ANO2: variants seen among roughly 807,000 people sequenced by gnomAD.
ANO2 encodes anoctamin 2.
Under a neutral mutation model 124.2 loss-of-function variants are expected in ANO2, and 101 were observed. The observed-to-expected ratio is 0.81, with a 90% CI of 0.69 to 0.96. ANO2 has a LOEUF of 0.96. Ranked by LOEUF, ANO2 falls within the 40% of genes least tolerant of loss-of-function variation. The pLI is 0.00. For synonymous variants in ANO2, 486 were observed against 482.5 expected, an observed-to-expected ratio of 1.01 and a Z score of -0.09; for missense variants, 1,293 against 1,274.5, an observed-to-expected ratio of 1.01 and a Z score of -0.22.
At chr12:5,571,322 C>T (rs190075589) in intron 23 of ANO2, among the ~76,000 whole-genome samples, 12 of 152,224 alleles carry the variant, frequency 7.9e-5, no homozygotes, top group East Asian at 1.9e-4. Context: ...GGACTGTTTA[C>T]GGAGCAGCCC....
intron 16 of ANO2, among the ~76,000 whole-genome samples, chr12:5,634,691 G>A (rs184790581): frequency 1.6e-3 from 243 of 152,286 alleles, no homozygotes; most frequent in Non-Finnish European, 2.6e-3. Context: ...ATTTTCTGGG[G>A]CCTCTGACAA....
At chr12:5,877,349 G>C (rs1306544060) in intron 3 of ANO2, among the ~76,000 whole-genome samples, 1 of 152,206 alleles carries the variant, frequency 6.6e-6, no homozygotes, top group East Asian at 1.9e-4. Flanking sequence ...CCTCCAGGAG[G>C]AACCCACCCT....
intron 3 of ANO2, among the ~76,000 whole-genome samples, chr12:5,888,514 A>C (rs1341005580): frequency 6.6e-6 from 1 of 152,068 alleles, no homozygotes; most frequent in Non-Finnish European, 1.5e-5. Context: ...TTTTACAGAG[A>C]GCTGAATGGT....
chr12:5,646,356 T>A (rs1449426606), intron 15 of ANO2, among the ~76,000 whole-genome samples: 1 of 152,204 alleles, frequency 6.6e-6, no homozygotes, highest in African/African-American at 2.4e-5. Context: ...TTTATCCAAT[T>A]TTTTAAAATA....
At chr12:5,656,699 T>G (rs1947176181) in intron 14 of ANO2, among the ~76,000 whole-genome samples, 1 of 152,176 alleles carries the variant, frequency 6.6e-6, no homozygotes, top group African/African-American at 2.4e-5. Flanking sequence ...TGCAAGCTCT[T>G]TAATTGTTTG....
At position 5,578,465 on chromosome 12, in the gene ANO2, C is replaced by T; in HGVS notation, c.2287G>A (p.Val763Met). 6.2e-7 allele frequency: 1 copy of T among 1,613,954 alleles called. No individual in the cohort carries two copies. The highest frequency in any genetic ancestry group is 1.7e-4 in the Middle Eastern group (1 of 6,060). The stretch of plus-strand genomic sequence containing the variant: ...ATGACGTTGTTGAGGAGGGCAAACA[C>T]AGGTGCCAGGGGAAAGGAGGCCACG... ...LFVASFPLAP[V>M]FALLNNVIEV... Residue 763 changes from valine to methionine, a missense_variant, in exon 21 of 25, where the codon GTG becomes ATG. Val to Met is a conservative substitution (Grantham distance 21). Coordinates refer to ENST00000682330, the MANE Select transcript of ANO2 (RefSeq NM_001364791.2).
chr12:5,845,360 G>A (rs1186704762), intron 4 of ANO2, among the ~76,000 whole-genome samples: 2 of 152,028 alleles, frequency 1.3e-5, no homozygotes, highest in Non-Finnish European at 2.9e-5. Flanking sequence ...AAGGTCAGGA[G>A]ACCGAGACCA....
chr12:5,944,207 G>A (rs1205295534), intron 1 of ANO2, among the ~76,000 whole-genome samples: 6 of 152,186 alleles, frequency 3.9e-5, no homozygotes, highest in Non-Finnish European at 8.8e-5. Flanking sequence ...AGGTTCCAAG[G>A]ACAAAGGCTC....
intron 16 of ANO2, among the ~76,000 whole-genome samples, chr12:5,620,155 T>G (rs1395435974): frequency 6.6e-6 from 1 of 152,216 alleles, no homozygotes; most frequent in Non-Finnish European, 1.5e-5. Flanking sequence ...CCTCCAAAAC[T>G]GAGCAAGTTA....
intron 20 of ANO2, among the ~76,000 whole-genome samples, chr12:5,598,292 G>T (rs1943760498): frequency 6.6e-6 from 1 of 152,140 alleles, no homozygotes; most frequent in Non-Finnish European, 1.5e-5. Context: ...TGATTTTTTT[G>T]ATGGATCTTA....
At chr12:5,764,871 T>A (rs1429176288) in intron 10 of ANO2, among the ~76,000 whole-genome samples, 1 of 152,218 alleles carries the variant, frequency 6.6e-6, no homozygotes, top group Admixed American at 6.5e-5. Flanking sequence ...GGAGCCCATA[T>A]GATAAATTAA....
chr12:5,926,898 G>A (rs1942105105), intron 1 of ANO2, among the ~76,000 whole-genome samples: 1 of 152,174 alleles, frequency 6.6e-6, no homozygotes, highest in African/African-American at 2.4e-5. Context: ...GGTGATTTGG[G>A]AGAAGGTGTC....
intron 14 of ANO2, among the ~76,000 whole-genome samples, chr12:5,730,944 C>T (rs765892208): frequency 6.6e-6 from 1 of 152,182 alleles, no homozygotes; most frequent in Non-Finnish European, 1.5e-5. Context: ...ATAATGCATT[C>T]AGATGTTTTT....
In ANO2 at chr12:5,903,675, G is replaced by GTA. The variant is rs1449890840; in HGVS notation, c.534+17364_534+17365insTA. On this transcript the variant is annotated intron_variant, in intron 3 of 24. Coordinates refer to ENST00000682330, the MANE Select transcript of ANO2 (RefSeq NM_001364791.2). ...TGTGTGTGTGTGTGTGTGTGTGTGT[G>GTA]TGGGTGTAGACAGCAAGGTCTGTGC... Among the ~76,000 whole-genome samples the GTA allele has an allele frequency of 4.0e-3, 605 of 151,056 alleles. 8 individuals are homozygous for GTA. Among genetic ancestry groups the GTA allele is most frequent in the African/African-American group, 0.014 (582 of 40,614 alleles).
At chr12:5,783,439 A>G (rs571451291) in intron 10 of ANO2, among the ~76,000 whole-genome samples, 54 of 152,202 alleles carry the variant, frequency 3.5e-4, no homozygotes, top group Non-Finnish European at 6.2e-4. Flanking sequence ...TTTGTTCTTC[A>G]TAATCTCTAC....
In ANO2 at chr12:5,574,157, T is replaced by TTA. The variant is rs1257194295; in HGVS notation, c.2621+1675_2621+1676dup. 4.6e-5 allele frequency among the ~76,000 whole-genome samples: 7 copies of TTA among 152,334 alleles called. No individual in the cohort carries two copies. The South Asian group carries it at 1.2e-3, about 27-fold the overall frequency. Reference sequence around the variant, plus strand: ...TATTGGTGTAATTAACTATTCTGATTTATATATATGAGGTAGGATCTTTGG... The same window carrying TTA: ...TATTGGTGTAATTAACTATTCTGATTTATATATATATGAGGTAGGATCTTTGG... On this transcript the variant is annotated intron_variant, in intron 23 of 24. Coordinates refer to ENST00000682330, the MANE Select transcript of ANO2 (RefSeq NM_001364791.2).
intron 14 of ANO2, among the ~76,000 whole-genome samples, chr12:5,663,323 G>A (rs1947538325): frequency 6.6e-6 from 1 of 152,218 alleles, no homozygotes; most frequent in Admixed American, 6.5e-5. Flanking sequence ...AACAGAGGAA[G>A]AAAAATCCAT....
intron 3 of ANO2, among the ~76,000 whole-genome samples, chr12:5,901,155 C>T (rs922256094): frequency 1.3e-5 from 2 of 152,196 alleles, no homozygotes; most frequent in Non-Finnish European, 2.9e-5. Flanking sequence ...CAGGAAGTAA[C>T]AATGAGCAGA....
intron 14 of ANO2, among the ~76,000 whole-genome samples, chr12:5,669,409 G>A (rs1947883250): frequency 6.6e-6 from 1 of 152,186 alleles, no homozygotes; most frequent in Admixed American, 6.5e-5. Flanking sequence ...AGACTTTGCT[G>A]AAGTTGCTTA....
Sources: gnomAD v4.1 joint callset for allele counts (sites outside exome capture counted in the v4.1 genomes callset) on GRCh38, gnomAD v4.1.1 for gene constraint, MANE v1.5 for transcripts, NCBI Gene and HGNC (gene_info 2026-07-23, HGNC 2026-07-21) for gene names.